RXRA: variants seen among roughly 807,000 people sequenced by gnomAD.
The protein encoded by RXRA is retinoid X receptor alpha.
RXRA carries 5 observed loss-of-function variants against 44.5 expected under a neutral mutation model. That is an observed-to-expected ratio of 0.11 (90% CI 0.06 to 0.24). The LOEUF is 0.24. Among genes scored for constraint, RXRA ranks in the 10% least tolerant of loss-of-function variants. RXRA has a pLI of 1.00. For synonymous variants in RXRA, 291 were observed against 271.4 expected (o/e 1.07, Z -0.71); for missense variants, 412 against 646.5 (o/e 0.64, Z 3.93).
Position 134,437,291 on chromosome 9 carries a change from T to C in RXRA, c.*677T>C, listed in dbSNP as rs1831639138. The C allele has an allele frequency of 6.5e-6, 1 of 152,928 alleles. No homozygotes were observed. The highest frequency in any genetic ancestry group is 6.5e-5 in the Admixed American group (1 of 15,324). The allele number at this position is 152,928 out of a possible 1,614,324, so 9.5% of individuals were successfully genotyped here. A position where few individuals can be genotyped will look rare whatever the true frequency, so the allele number is the denominator to read the frequency against. ...GCCAATGAGAACATGAGCTGCCCTC[T>C]GTGCAAGGTTTCGGGGCCACCTCCA... On this transcript the variant is annotated 3_prime_UTR_variant, in exon 10 of 10. Transcript: ENST00000481739.
In RXRA at chr9:134,409,043, G is replaced by C. The variant is rs1343717845; in HGVS notation, c.534G>C (p.Leu178=). ...TYTCRDNKDC[L]IDKRQRNRCQ... ...CCTGCCGCGACAACAAGGACTGCCT[G>C]ATTGACAAGCGGCAGCGGAACCGGT... Residue 178 remains leucine, a synonymous_variant, in exon 4 of 10, where the codon CTG becomes CTC. Coordinates refer to ENST00000481739, the MANE Select transcript of RXRA (RefSeq NM_002957.6). The C allele has an allele frequency of 1.9e-6, 3 of 1,612,206 alleles. No individual in the cohort carries two copies. In the East Asian group the frequency reaches 6.7e-5, roughly 36 times the overall value.
chr9:134,378,370 G>GAT (rs1564276820), intron 1 of RXRA, among the ~76,000 whole-genome samples: 1 of 144,230 alleles, frequency 6.9e-6, no homozygotes, highest in Non-Finnish European at 1.5e-5. Flanking sequence ...TGTGTGCGGG[G>GAT]TCCTTACCAC....
At chr9:134,434,505 C>T (rs1831583742) in intron 9 of RXRA, among the ~76,000 whole-genome samples, 1 of 152,160 alleles carries the variant, frequency 6.6e-6, no homozygotes, top group Non-Finnish European at 1.5e-5. Context: ...CCACTGCGCT[C>T]CCCTACCAAG....
In RXRA at chr9:134,429,213, G is replaced by A. The variant is rs781468867; in HGVS notation, c.1016G>A (p.Ser339Asn). 8 of 1,612,598 alleles carry A rather than the reference G, an allele frequency of 5.0e-6. No individual in the cohort carries two copies. The Admixed American group carries it at 1.2e-4, about 24-fold the overall frequency. The change falls in exon 7 of 10, where the codon AGC (serine) becomes AAC (asparagine). Residue 339 changes from serine to asparagine, a missense_variant. Physicochemically the swap from Ser to Asn is conservative, Grantham distance 46. Around this residue, in one of 4 missense-constraint regions of RXRA, gnomAD observed 141 missense variants for 270.8 expected, o/e 0.52. Coordinates refer to ENST00000481739, the MANE Select transcript of RXRA (RefSeq NM_002957.6). Reference sequence around the variant, plus strand: ...CACGTCCACCGGAACAGCGCCCACAGCGCAGGGGTGGGCGCCATCTTTGAC... The same window carrying A: ...CACGTCCACCGGAACAGCGCCCACAACGCAGGGGTGGGCGCCATCTTTGAC... ...GLHVHRNSAH[S>N]AGVGAIFDRV...
intron 1 of RXRA, among the ~76,000 whole-genome samples, chr9:134,392,584 G>T (rs949346027): frequency 5.3e-5 from 8 of 152,164 alleles, no homozygotes; most frequent in African/African-American, 1.7e-4. Context: ...GCGCTGGCTG[G>T]GCCAAGCCCT....
At chr9:134,357,700 C>G (rs1165324461) in intron 1 of RXRA, among the ~76,000 whole-genome samples, 1 of 152,206 alleles carries the variant, frequency 6.6e-6, no homozygotes, top group East Asian at 1.9e-4. Context: ...AGATATGTTA[C>G]CCAGAACCTT....
intron 1 of RXRA, among the ~76,000 whole-genome samples, chr9:134,383,749 A>T (rs761744840): frequency 3.3e-5 from 5 of 152,106 alleles, no homozygotes; most frequent in African/African-American, 9.7e-5. Context: ...CCTGGGCTGC[A>T]TGAGGACGGG....
Position 134,404,690 on chromosome 9 carries a change from G to A in RXRA, c.279+2808G>A, listed in dbSNP as rs185697442. The stretch of plus-strand genomic sequence containing the variant: ...GGGTCGGAAGCAGGGCAGCACAGGC[G>A]CCTACCCGCCAGGGACTGAGGTCGG... On this transcript the variant is annotated intron_variant, in intron 2 of 9. Transcript: ENST00000481739. 2.0e-3 allele frequency: 311 copies of A among 152,956 alleles called. 4 individuals are homozygous for A. Among genetic ancestry groups the A allele is most frequent in the Admixed American group, 4.8e-3 (74 of 15,310 alleles). 9.5% of individuals were successfully genotyped at this position (152,956 alleles called of 1,614,324 possible). A position where few individuals can be genotyped will look rare whatever the true frequency, so the allele number is the denominator to read the frequency against.
At chr9:134,341,322 C>T (rs539130129) in intron 1 of RXRA, among the ~76,000 whole-genome samples, 170 of 152,204 alleles carry the variant, frequency 1.1e-3, no homozygotes, top group African/African-American at 4.0e-3. Flanking sequence ...TGGGACTCTT[C>T]TTTGAGCCAC....
In RXRA at chr9:134,345,144, C is replaced by T. The variant is rs143854748; in HGVS notation, c.28+18485C>T. On this transcript the variant is annotated intron_variant, in intron 1 of 9. Coordinates refer to ENST00000481739, the MANE Select transcript of RXRA (RefSeq NM_002957.6). ...AGCCCCTGGTCTGCTGGGACCACTG[C>T]CAGTGGCTGAGAAAATGAAAGTGGA... Among the ~76,000 whole-genome samples the T allele has an allele frequency of 9.5e-4, 144 of 152,302 alleles. 2 individuals are homozygous for T. In the East Asian group the frequency reaches 0.024, roughly 25 times the overall value.
chr9:134,398,851 G>A (rs912633423), intron 1 of RXRA, among the ~76,000 whole-genome samples: 1 of 152,246 alleles, frequency 6.6e-6, no homozygotes, highest in African/African-American at 2.4e-5. Flanking sequence ...CCCGGCTTCT[G>A]AATGCAGTGC....
At chr9:134,397,569 G>A (rs918890885) in intron 1 of RXRA, among the ~76,000 whole-genome samples, 1 of 152,184 alleles carries the variant, frequency 6.6e-6, no homozygotes, top group Non-Finnish European at 1.5e-5. Flanking sequence ...GCGCCTTGGG[G>A]CTACTGGGCA....
intron 4 of RXRA, among the ~76,000 whole-genome samples, chr9:134,415,769 G>A (rs983267652): frequency 6.6e-5 from 10 of 152,204 alleles, no homozygotes; most frequent in African/African-American, 1.9e-4. Context: ...GTCTGAGCTC[G>A]GAGGAGATAC....
intron 4 of RXRA, among the ~76,000 whole-genome samples, chr9:134,410,479 C>T (rs546365208): frequency 2.0e-5 from 3 of 152,296 alleles, no homozygotes; most frequent in South Asian, 4.1e-4. Flanking sequence ...GAGGTGTGTG[C>T]CCAGCCTGGA....
At chr9:134,356,518 G>C (rs1341579658) in intron 1 of RXRA, among the ~76,000 whole-genome samples, 1 of 152,216 alleles carries the variant, frequency 6.6e-6, no homozygotes, top group Non-Finnish European at 1.5e-5. Flanking sequence ...CGGTCTGCGG[G>C]ATGGAGGCCC....
At chr9:134,423,662 C>A in intron 6 of RXRA, 1 of 985,488 alleles carries the variant, frequency 1.0e-6, no homozygotes, top group South Asian at 4.7e-5. Context: ...CCCCTCTGGG[C>A]CTGAGGCATG....
intron 1 of RXRA, among the ~76,000 whole-genome samples, chr9:134,382,827 A>T (rs1260905394): frequency 2.0e-5 from 3 of 151,980 alleles, no homozygotes; most frequent in African/African-American, 7.3e-5. Flanking sequence ...TTGGCTGGGG[A>T]GGCCCTGCCC....
intron 4 of RXRA, among the ~76,000 whole-genome samples, chr9:134,411,355 G>A (rs1483886117): frequency 5.9e-5 from 9 of 152,302 alleles, no homozygotes; most frequent in South Asian, 4.1e-4. Context: ...TGGTCAGACC[G>A]CTCCCCTGGT....
intron 4 of RXRA, 26 bp downstream of exon 4, chr9:134,409,145 G>A (rs1322298960): frequency 5.9e-6 from 9 of 1,517,940 alleles, no homozygotes; most frequent in East Asian, 2.4e-5. Context: ...GGGTGGGGGC[G>A]CGGGCAGGTG....
Sources: allele counts gnomAD v4.1 joint callset (sites outside exome capture counted in the v4.1 genomes callset), GRCh38; gene constraint gnomAD v4.1.1; regional missense constraint gnomAD v4.1.1; transcripts MANE v1.5; gene names NCBI Gene and HGNC (gene_info 2026-07-23, HGNC 2026-07-21).